CNGA3: variants seen among roughly 807,000 people sequenced by gnomAD.
CNGA3 encodes cyclic nucleotide gated channel subunit alpha 3.
Under a neutral mutation model 46.6 loss-of-function variants are expected in CNGA3, and 42 were observed. The ratio of observed to expected loss-of-function variants is 0.90; its 90% CI spans 0.70 to 1.17. The LOEUF (loss-of-function observed/expected upper bound fraction) is 1.17. Among genes scored for constraint, CNGA3 ranks in the 50% most tolerant of loss-of-function variants. The probability of loss-of-function intolerance (pLI) is 0.00; values close to 1 mark genes in which losing one functional copy is unlikely to be tolerated. For synonymous variants in CNGA3, 394 were observed against 369.4 expected (o/e 1.07, Z -0.76); for missense variants, 893 against 890.7 (o/e 1.00, Z -0.03).
chr2:98,350,712 C>G (rs935548610), intron 1 of CNGA3: 5 of 152,156 alleles, frequency 3.3e-5, no homozygotes, highest in Admixed American at 6.5e-5. Context: ...TCATCTTGAT[C>G]CAATTTCAGT....
intron 5 of CNGA3, among the ~76,000 whole-genome samples, chr2:98,389,278 C>T (rs1287434289): frequency 3.3e-5 from 5 of 152,180 alleles, no homozygotes; most frequent in African/African-American, 1.2e-4. Context: ...GGTGAGTGGG[C>T]CCTGGGAATC....
Position 98,396,489 on chromosome 2 carries a change from G to A in CNGA3, c.1319G>A (p.Trp440Ter), listed in dbSNP as rs1459484455. Reference sequence around the variant, plus strand: ...GACTTGGAGACGCGGGTTATCCGGTGGTTTGACTACCTGTGGGCCAACAAG... The same window carrying A: ...GACTTGGAGACGCGGGTTATCCGGTAGTTTGACTACCTGTGGGCCAACAAG... ...TKDLETRVIR[W>*]FDYLWANKKT... Residue 440 changes from tryptophan to a stop codon, truncating the protein, a stop_gained, in exon 8 of 8, where the codon TGG becomes TAG. Coordinates refer to ENST00000272602, the MANE Select transcript of CNGA3 (RefSeq NM_001298.3). LOFTEE classifies it high-confidence loss of function. 1.2e-6 allele frequency: 2 copies of A among 1,613,872 alleles called. No homozygotes were observed. Among genetic ancestry groups the A allele is most frequent in the African/African-American group, 1.3e-5 (1 of 74,894 alleles).
At chr2:98,379,122 C>T (rs1343183848) in intron 3 of CNGA3, among the ~76,000 whole-genome samples, 1 of 152,196 alleles carries the variant, frequency 6.6e-6, no homozygotes, top group African/African-American at 2.4e-5. Flanking sequence ...TGTGTGGTTA[C>T]AGGAATTGTC....
chr2:98,351,376 C>A (rs1211911953), intron 1 of CNGA3, among the ~76,000 whole-genome samples: 2 of 152,152 alleles, frequency 1.3e-5, no homozygotes, highest in African/African-American at 4.8e-5. Flanking sequence ...CCATGCTGTT[C>A]TCATGATAGT....
In CNGA3 at chr2:98,360,352, T is replaced by C. The variant is rs77056094; in HGVS notation, c.-37-9587T>C. 4.4e-3 allele frequency among the ~76,000 whole-genome samples: 674 copies of C among 152,242 alleles called. 8 individuals carry two copies. The highest frequency in any genetic ancestry group is 0.015 in the African/African-American group (639 of 41,548). On this transcript the variant is annotated intron_variant, in intron 1 of 7. Transcript: ENST00000272602. ...GTGGGACCAGAGTTTGTGCCCAGGA[T>C]AGAGAAAGCAGCTGAGGGGGCTGAA... is the stretch of plus-strand genomic sequence containing the variant.
chr2:98,367,344 A>G (rs1393960917), intron 1 of CNGA3, among the ~76,000 whole-genome samples: 4 of 151,018 alleles, frequency 2.6e-5, no homozygotes, highest in East Asian at 2.0e-4. Flanking sequence ...ACAGGCACCC[A>G]CCACCACGCC....
chr2:98,360,820 C>A (rs1037825617), intron 1 of CNGA3, among the ~76,000 whole-genome samples: 2 of 152,060 alleles, frequency 1.3e-5, no homozygotes, highest in African/African-American at 4.8e-5. Flanking sequence ...CTGTTATAAG[C>A]CTCCATTTCC....
intron 1 of CNGA3, among the ~76,000 whole-genome samples, chr2:98,369,172 C>T (rs966704153): frequency 1.3e-5 from 2 of 152,204 alleles, no homozygotes; most frequent in African/African-American, 4.8e-5. Flanking sequence ...CTAGTTCGGC[C>T]TACGCCCAGG....
chr2:98,388,581 A>AG, intron 5 of CNGA3, among the ~76,000 whole-genome samples: 1 of 152,284 alleles, frequency 6.6e-6, no homozygotes, highest in Non-Finnish European at 1.5e-5. Context: ...CGGGAACTCA[A>AG]GGGGGGCTTA....
chr2:98,385,556 A>G (rs1287785516), intron 5 of CNGA3, among the ~76,000 whole-genome samples: 4 of 152,144 alleles, frequency 2.6e-5, no homozygotes, highest in Admixed American at 2.6e-4. Context: ...AGGCATATAT[A>G]TTGAATACTT....
intron 1 of CNGA3, among the ~76,000 whole-genome samples, chr2:98,361,375 G>T (rs1249629157): frequency 6.6e-6 from 1 of 152,038 alleles, no homozygotes; most frequent in East Asian, 1.9e-4. Flanking sequence ...CCTTTTTATG[G>T]CTGCATAGTA....
chr2:98,394,929 C>T (rs919582527), intron 7 of CNGA3, among the ~76,000 whole-genome samples: 5 of 152,224 alleles, frequency 3.3e-5, no homozygotes, highest in Non-Finnish European at 7.3e-5. Flanking sequence ...TCACTGAGCG[C>T]TAATCAAAGC....
intron 1 of CNGA3, among the ~76,000 whole-genome samples, chr2:98,350,628 T>A (rs947037400): frequency 3.3e-5 from 5 of 152,192 alleles, no homozygotes; most frequent in African/African-American, 9.7e-5. Flanking sequence ...TAATTCTGAA[T>A]CATCTCTGCA....
At chr2:98,379,063 G>C (rs936109938) in intron 3 of CNGA3, among the ~76,000 whole-genome samples, 2 of 152,222 alleles carry the variant, frequency 1.3e-5, no homozygotes, top group African/African-American at 4.8e-5. Flanking sequence ...CATTGTCTGA[G>C]GCTGGAGGAG....
At chr2:98,379,565 G>C (rs937857263) in intron 3 of CNGA3, among the ~76,000 whole-genome samples, 1 of 152,274 alleles carries the variant, frequency 6.6e-6, no homozygotes, top group South Asian at 2.1e-4. Context: ...GCCGGGCTCC[G>C]GGAGAGGGCC....
Position 98,351,987 on chromosome 2 carries a change from C to T in CNGA3, c.-38+5453C>T, listed in dbSNP as rs190679473. Among the ~76,000 whole-genome samples the T allele has an allele frequency of 1.3e-4, 20 of 152,292 alleles. No individual in the cohort carries two copies. The East Asian group carries it at 2.5e-3, about 19-fold the overall frequency. On this transcript the variant is annotated intron_variant, in intron 1 of 7. Transcript: ENST00000272602. ...TTTTCAACACTGTCAAAAGGGACCC[C>T]GTATCCATTAGCAGTCATTCCTCTT... is the stretch of plus-strand genomic sequence containing the variant.
intron 1 of CNGA3, among the ~76,000 whole-genome samples, chr2:98,369,285 T>C (rs544503345): frequency 1.3e-5 from 2 of 152,382 alleles, no homozygotes; most frequent in South Asian, 4.1e-4. Context: ...CAAGACGATT[T>C]CACAAGGATT....
intron 2 of CNGA3, among the ~76,000 whole-genome samples, chr2:98,373,366 G>A (rs1443875852): frequency 4.6e-5 from 7 of 152,198 alleles, no homozygotes; most frequent in Non-Finnish European, 7.3e-5. Context: ...TGAGACAAAT[G>A]ATTGAGAATT....
Position 98,396,289 on chromosome 2 carries a change from G to C in CNGA3, c.1119G>C (p.Val373=), listed in dbSNP as rs1466733313. The C allele has an allele frequency of 1.9e-6, 3 of 1,610,614 alleles. No individual in the cohort carries two copies. The highest frequency in any genetic ancestry group is 1.7e-5 in the Admixed American group (1 of 59,800). The part of the protein sequence containing the change: ...LTTIGETPPP[V]KDEEYLFVVV... ...CCATTGGTGAGACCCCACCCCCCGT[G>C]AAAGATGAGGAGTATCTCTTTGTGG... Residue 373 remains valine (V), a synonymous_variant, in exon 8 of 8, where the codon GTG becomes GTC. Coordinates refer to ENST00000272602, the MANE Select transcript of CNGA3 (RefSeq NM_001298.3).
Sources: allele counts gnomAD v4.1 joint callset (sites outside exome capture counted in the v4.1 genomes callset), GRCh38; gene constraint gnomAD v4.1.1; transcripts MANE v1.5; gene names NCBI Gene and HGNC (gene_info 2026-07-23, HGNC 2026-07-21).